The following KIAA1549L variants were observed in gnomAD, a reference collection of about 807,000 sequenced individuals.
KIAA1549L encodes KIAA1549 like.
KIAA1549L carries 88 observed loss-of-function variants against 160.7 expected under a neutral mutation model. The observed-to-expected ratio is 0.55, with a 90% CI of 0.46 to 0.65. The LOEUF is 0.65. KIAA1549L is among the 30% of genes least tolerant of loss of function. KIAA1549L has a pLI of 0.00. For synonymous variants in KIAA1549L, 950 were observed against 976.7 expected (o/e 0.97, Z 0.51); for missense variants, 2,258 against 2,437.5 (o/e 0.93, Z 1.55).
chr11:33,527,764 G>A (rs924399014), intron 1 of KIAA1549L, among the ~76,000 whole-genome samples: 1 of 152,110 alleles, frequency 6.6e-6, no homozygotes, highest in African/African-American at 2.4e-5. Flanking sequence ...ATCAAAAAGT[G>A]GGTTAAGGAC....
rs1170273394 is a variant in KIAA1549L at position 33,591,297 on chromosome 11, G to A, written c.4627G>A (p.Val1543Ile). The A allele has an allele frequency of 1.9e-6, 3 of 1,613,504 alleles. No individual in the cohort carries two copies. The highest frequency in any genetic ancestry group is 1.6e-4 in the Middle Eastern group (1 of 6,084). Reference sequence around the variant, plus strand: ...GGGCCAGCAAGGGGCAGATGAGGAGGTCATCCCTGTGACTCAGGAGACAGT... The same window carrying A: ...GGGCCAGCAAGGGGCAGATGAGGAGATCATCCCTGTGACTCAGGAGACAGT... ...HLGQQGADEE[V>I]IPVTQETVVL... Residue 1543 changes from valine to isoleucine, a missense_variant, in exon 12 of 21, where the codon GTC (valine) becomes ATC (isoleucine). By Grantham distance (29) the Val-to-Ile change is conservative. This residue lies in a region of KIAA1549L where 1,359 missense variants were observed against 1,546.6 expected (regional missense o/e 0.88). Transcript: ENST00000658780.
At chr11:33,502,693 A>G (rs1852979825) in intron 1 of KIAA1549L, among the ~76,000 whole-genome samples, 1 of 152,246 alleles carries the variant, frequency 6.6e-6, no homozygotes, top group South Asian at 2.1e-4. Flanking sequence ...AATATGCTTC[A>G]TGGAGTATAG....
intron 16 of KIAA1549L, among the ~76,000 whole-genome samples, chr11:33,627,185 C>A (rs947342663): frequency 2.4e-5 from 3 of 124,504 alleles, no homozygotes; most frequent in African/African-American, 9.3e-5. Flanking sequence ...ATTTTTGCAT[C>A]AATGTTCATC....
chr11:33,563,015 A>G (rs1854921556), intron 8 of KIAA1549L, among the ~76,000 whole-genome samples: 1 of 151,852 alleles, frequency 6.6e-6, no homozygotes, highest in Non-Finnish European at 1.5e-5. Flanking sequence ...CCTGTCTCCA[A>G]ATACAGTCAC....
chr11:33,438,242 T>A (rs575769260), intron 1 of KIAA1549L, among the ~76,000 whole-genome samples: 12 of 152,340 alleles, frequency 7.9e-5, no homozygotes, highest in African/African-American at 2.6e-4. Flanking sequence ...CTCCATTGGC[T>A]GGTAGCCTAA....
In KIAA1549L at chr11:33,543,643, G is replaced by C. The variant is rs778073287; in HGVS notation, c.2080G>C (p.Asp694His). The change falls in exon 2 of 21, where the codon GAT becomes CAT. Residue 694 changes from aspartate to histidine, a missense_variant. Physicochemically the swap from Asp to His is moderately conservative, Grantham distance 81. Transcript: ENST00000658780. ...IGDMKKPATT[D>H]VFWSSLSAET... Reference sequence around the variant, plus strand: ...AGACATGAAAAAGCCAGCAACCACAGATGTTTTCTGGAGTTCTCTTTCAGC... The same window carrying C: ...AGACATGAAAAAGCCAGCAACCACACATGTTTTCTGGAGTTCTCTTTCAGC... 6.2e-7 allele frequency: 1 copy of C among 1,613,810 alleles called. No individual in the cohort carries two copies. Among genetic ancestry groups the C allele is most frequent in the Non-Finnish European group, 8.5e-7 (1 of 1,179,846 alleles).
At chr11:33,381,480 G>A (rs146106123) in intron 1 of KIAA1549L, among the ~76,000 whole-genome samples, 1 of 152,290 alleles carries the variant, frequency 6.6e-6, no homozygotes, top group Non-Finnish European at 1.5e-5. Flanking sequence ...GAGCAGGAAT[G>A]CCAATGTAGA....
At chr11:33,435,788 A>ATGTGTGTG (rs1291028468) in intron 1 of KIAA1549L, among the ~76,000 whole-genome samples, 4 of 26,512 alleles carry the variant, frequency 1.5e-4, no homozygotes, top group African/African-American at 2.6e-4. Context: ...ATATATATAT[A>ATGTGTGTG]TATATATATA....
chr11:33,498,908 A>G lies in KIAA1549L; in HGVS notation c.239-42894A>G, dbSNP rs182048878. ...CCCTAGATTTCTTCTTACGTTAGCCAGTGATGGTGATGGGGTGGGAGAACT... is the reference window on the plus strand; with the variant it reads ...CCCTAGATTTCTTCTTACGTTAGCCGGTGATGGTGATGGGGTGGGAGAACT... On this transcript the variant is annotated intron_variant, in intron 1 of 20. Transcript: ENST00000658780. Among the ~76,000 whole-genome samples the G allele has an allele frequency of 1.2e-3, 180 of 152,318 alleles. No homozygotes were observed. In the South Asian group the frequency reaches 0.025, roughly 21 times the overall value.
chr11:33,634,600 C>T (rs142374974), intron 16 of KIAA1549L, among the ~76,000 whole-genome samples: 40 of 152,246 alleles, frequency 2.6e-4, no homozygotes, highest in African/African-American at 8.4e-4. Context: ...GGGAGAAAGA[C>T]GGGAAGTTGA....
At chr11:33,427,828 G>T (rs542889883) in intron 1 of KIAA1549L, among the ~76,000 whole-genome samples, 27 of 152,122 alleles carry the variant, frequency 1.8e-4, no homozygotes, top group African/African-American at 5.6e-4. Flanking sequence ...TTGGCATTCC[G>T]TGTCTATGGA....
Position 33,639,518 on chromosome 11 carries a change from T to C in KIAA1549L, c.5410-6168T>C, listed in dbSNP as rs116089144. Among the ~76,000 whole-genome samples, 1,517 of 152,266 alleles carry C rather than the reference T, an allele frequency of 1.0e-2. 15 individuals are homozygous for C. Among genetic ancestry groups the C allele is most frequent in the African/African-American group, 0.035 (1,466 of 41,534 alleles). ...GAAATTTAACCTAAGGATAAACTCA[T>C]GATTATATGCAAAGTTCTTTTATTA... On this transcript the variant is annotated intron_variant, in intron 16 of 20. Transcript: ENST00000658780.
At chr11:33,436,410 A>C (rs2761195) in intron 1 of KIAA1549L, among the ~76,000 whole-genome samples, 1 of 152,118 alleles carries the variant, frequency 6.6e-6, no homozygotes, top group Non-Finnish European at 1.5e-5. Flanking sequence ...AGGCAGTCAG[A>C]GAGAAAGAAG....
At chr11:33,591,465 A>G in intron 12 of KIAA1549L, 44 bp downstream of exon 12, 1 of 1,468,374 alleles carries the variant, frequency 6.8e-7, no homozygotes. Context: ...CAGCAAGAGA[A>G]TAATTGATGA....
intron 1 of KIAA1549L, among the ~76,000 whole-genome samples, chr11:33,464,473 C>CGTGTGT (rs1565147863): frequency 9.8e-5 from 9 of 91,428 alleles, no homozygotes; most frequent in East Asian, 4.5e-4. Flanking sequence ...GCTGTGTGTG[C>CGTGTGT]ATGTGTGTGT....
At chr11:33,403,260 GACACA>G (rs1850545360) in intron 1 of KIAA1549L, 11 of 3,438 alleles carry the variant, frequency 3.2e-3, no homozygotes, top group South Asian at 9.3e-3. Flanking sequence ...CACACACACA[GACACA>G]GACACACACA....
chr11:33,386,063 CT>C (rs1311307662), intron 1 of KIAA1549L, among the ~76,000 whole-genome samples: 4 of 152,108 alleles, frequency 2.6e-5, no homozygotes, highest in Non-Finnish European at 4.4e-5. Flanking sequence ...ATCTGTAAGG[CT>C]TTTATTTATT....
chr11:33,571,504 G>A (rs1294037319), intron 9 of KIAA1549L, among the ~76,000 whole-genome samples: 1 of 152,182 alleles, frequency 6.6e-6, no homozygotes, highest in Non-Finnish European at 1.5e-5. Context: ...TGTACAGGAA[G>A]CATAGTGTTA....
Position 33,671,101 on chromosome 11 carries a change from G to T in KIAA1549L, c.*2947G>T, listed in dbSNP as rs1852661875. The T allele has an allele frequency of 6.6e-6, 1 of 152,196 alleles. No homozygotes were observed. The highest frequency in any genetic ancestry group is 2.1e-4 in the South Asian group (1 of 4,830). 9.4% of individuals were successfully genotyped at this position (152,196 alleles called of 1,614,324 possible). A position where few individuals can be genotyped will look rare whatever the true frequency, so the allele number is the denominator to read the frequency against. ...AGTGTATAGAGGATGATGCATTTGT[G>T]GCATAATAAATAGTTTTCAGTGCTG... On this transcript the variant is annotated 3_prime_UTR_variant, in exon 21 of 21. Coordinates refer to ENST00000658780, the MANE Select transcript of KIAA1549L (RefSeq NM_012194.3).
Sources: gnomAD v4.1 joint callset for allele counts (sites outside exome capture counted in the v4.1 genomes callset) on GRCh38, gnomAD v4.1.1 for gene constraint, gnomAD v4.1.1 regional missense constraint, MANE v1.5 for transcripts, NCBI Gene and HGNC (gene_info 2026-07-23, HGNC 2026-07-21) for gene names.